The following CACNG1 variants were observed in gnomAD, a reference collection of about 807,000 sequenced individuals.
CACNG1 encodes the protein calcium voltage-gated channel auxiliary subunit gamma 1.
Under a neutral mutation model 22.0 loss-of-function variants are expected in CACNG1, and 21 were observed. The ratio of observed to expected loss-of-function variants is 0.95; its 90% CI spans 0.68 to 1.37. The LOEUF is 1.37. CACNG1 is among the 40% of genes most tolerant of loss of function. The pLI, the probability that CACNG1 is intolerant of heterozygous loss-of-function variation, is 0.00. For missense variants in CACNG1, 291 were observed against 308.6 expected (o/e 0.94, Z 0.43); for synonymous variants, 127 against 129.2 (o/e 0.98, Z 0.12).
chr17:67,046,744 C>G (rs2035699762), intron 1 of CACNG1, among the ~76,000 whole-genome samples: 1 of 152,164 alleles, frequency 6.6e-6, no homozygotes, highest in Non-Finnish European at 1.5e-5. Context: ...GTTCACCCGT[C>G]CTTGGAACCA....
chr17:67,045,803 G>A (rs1387461648), intron 1 of CACNG1, among the ~76,000 whole-genome samples: 4 of 152,082 alleles, frequency 2.6e-5, no homozygotes, highest in Admixed American at 2.0e-4. Context: ...GATTACAGAC[G>A]TGAGCCACCA....
At chr17:67,049,266 T>C (rs553461021) in intron 1 of CACNG1, among the ~76,000 whole-genome samples, 1 of 152,290 alleles carries the variant, frequency 6.6e-6, no homozygotes, top group African/African-American at 2.4e-5. Flanking sequence ...ATGACATACA[T>C]ATATTAGCTC....
In CACNG1 at chr17:67,054,890, GAC is replaced by G. The variant is rs1412056811; in HGVS notation, c.305-207_305-206del. 6.1e-5 allele frequency among the ~76,000 whole-genome samples: 9 copies of G among 147,058 alleles called. No individual in the cohort carries two copies. Among genetic ancestry groups the G allele is most frequent in the South Asian group, 4.3e-4 (2 of 4,702 alleles). ...GAGACACACACTGACACATATGCAT[GAC>G]ACACAATGACACACACAGACACTGA... On this transcript the variant is annotated intron_variant, in intron 2 of 3. Transcript: ENST00000226021. The surrounding 1 kb of genome is among the most constrained non-coding windows in gnomAD (Gnocchi z 4.6).
At chr17:67,049,170 A>T (rs545126812) in intron 1 of CACNG1, among the ~76,000 whole-genome samples, 38 of 152,368 alleles carry the variant, frequency 2.5e-4, no homozygotes, top group African/African-American at 8.7e-4. Flanking sequence ...AAAAACGGAA[A>T]GAAACAACTC....
chr17:67,055,195 A>G lies in CACNG1; in HGVS notation c.397A>G (p.Arg133Gly). The G allele has an allele frequency of 6.2e-7, 1 of 1,614,164 alleles. No individual in the cohort carries two copies. Among genetic ancestry groups the G allele is most frequent in the South Asian group, 1.1e-5 (1 of 91,072 alleles). The change falls in exon 3 of 4, where the codon AGG becomes GGG. Residue 133 changes from arginine (R) to glycine (G), a missense_variant. Transcript: ENST00000226021. The surrounding 1 kb of genome is among the most constrained non-coding windows in gnomAD (Gnocchi z 4.5). ...LCVLLSLGKKRDYLLRPASMF... is the reference protein window; with the variant it reads ...LCVLLSLGKKGDYLLRPASMF... ...TGTCCTCCTGTCCCTCGGGAAGAAG[A>G]GGGACTATCTGCTGCGACCCGCGTC...
chr17:67,048,833 T>C (rs916638640), intron 1 of CACNG1, among the ~76,000 whole-genome samples: 1 of 152,064 alleles, frequency 6.6e-6, no homozygotes, highest in African/African-American at 2.4e-5. Context: ...GGCAAAAGAA[T>C]CAGTGACCTT....
At chr17:67,052,116 A>T (rs560219128) in intron 1 of CACNG1, among the ~76,000 whole-genome samples, 1 of 152,388 alleles carries the variant, frequency 6.6e-6, no homozygotes, top group South Asian at 2.1e-4. Context: ...ATCTACAGCC[A>T]ATAATCTAAC....
rs953886705 is a variant in CACNG1 at position 67,044,955 on chromosome 17, T to C, written c.229+66T>C. ...CTTCCCCGTCATCCCCCTGGCAAAG[T>C]TGCCCTTGCGAAGGAAGGCAGGTTT... On this transcript the variant is annotated intron_variant, in intron 1 of 3. Coordinates refer to ENST00000226021, the MANE Select transcript of CACNG1 (RefSeq NM_000727.4). The surrounding 1 kb of genome is among the most constrained non-coding windows in gnomAD (Gnocchi z 6.9). 1.4e-6 allele frequency: 2 copies of C among 1,387,946 alleles called. No homozygotes were observed. The highest frequency in any genetic ancestry group is 2.0e-6 in the Non-Finnish European group (2 of 1,004,482). The allele number at this position is 1,387,946 out of a possible 1,614,324, so 86.0% of individuals were successfully genotyped here.
chr17:67,055,144 G>A lies in CACNG1; in HGVS notation c.346G>A (p.Gly116Ser), dbSNP rs887724099. 1 of 1,614,208 alleles carries A rather than the reference G, an allele frequency of 6.2e-7. No homozygotes were observed. Among genetic ancestry groups the A allele is most frequent in the Non-Finnish European group, 8.5e-7 (1 of 1,180,036 alleles). ...SAAAIAIFSL[G>S]FIILGSLCVL... ...AGCCGCCATCGCCATCTTCAGCCTT[G>A]GCTTCATCATCCTGGGCAGCCTCTG... Residue 116 changes from glycine to serine, a missense_variant, in exon 3 of 4, where the codon GGC (glycine) becomes AGC (serine). Transcript: ENST00000226021. The surrounding 1 kb of genome is among the most constrained non-coding windows in gnomAD (Gnocchi z 4.5).
rs1316162979 is a variant in CACNG1, at chr17:67,054,295, C to T, written c.304+225C>T. On this transcript the variant is annotated intron_variant, in intron 2 of 3. Coordinates refer to ENST00000226021, the MANE Select transcript of CACNG1 (RefSeq NM_000727.4). The surrounding 1 kb of genome is among the most constrained non-coding windows in gnomAD (Gnocchi z 4.6). ...GCTTCCACACCTCGGGGCCAGGGAG[C>T]GTTTGCAGAAGCAGCACCTCCTGGT... Among the ~76,000 whole-genome samples, 1 of 152,204 alleles carries T rather than the reference C, an allele frequency of 6.6e-6. No individual in the cohort carries two copies. Among genetic ancestry groups the T allele is most frequent in the Admixed American group, 6.5e-5 (1 of 15,290 alleles).
rs752571949 is a variant in CACNG1 at position 67,056,032 on chromosome 17, G to C, written c.443-13G>C. 1 of 1,605,628 alleles carries C rather than the reference G, an allele frequency of 6.2e-7. No homozygotes were observed. Among genetic ancestry groups the C allele is most frequent in the Non-Finnish European group, 8.5e-7 (1 of 1,177,658 alleles). On this transcript the variant is annotated splice_polypyrimidine_tract_variant and intron_variant, in intron 3 of 3. Coordinates refer to ENST00000226021, the MANE Select transcript of CACNG1 (RefSeq NM_000727.4). This position sits in a 1 kb window ranked among gnomAD's most constrained non-coding sequence, Gnocchi z 4.3. ...GCCCCTCGGTCCCTGAGCATGCCTGGCTCTGCCCCCAGGTCTCTGCATCCT... is the reference window on the plus strand; with the variant it reads ...GCCCCTCGGTCCCTGAGCATGCCTGCCTCTGCCCCCAGGTCTCTGCATCCT...
chr17:67,050,908 G>A (rs897184291), intron 1 of CACNG1, among the ~76,000 whole-genome samples: 1 of 152,188 alleles, frequency 6.6e-6, no homozygotes, highest in Non-Finnish European at 1.5e-5. Flanking sequence ...ATCAGCATAA[G>A]CCATCTGCAG....
Position 67,054,977 on chromosome 17 carries a change from T to A in CACNG1, c.305-126T>A. 1.1e-6 allele frequency: 1 copy of A among 925,460 alleles called. No homozygotes were observed. The highest frequency in any genetic ancestry group is 1.6e-6 in the Non-Finnish European group (1 of 630,722). The allele number at this position is 925,460 out of a possible 1,614,324, so 57.3% of individuals were successfully genotyped here. On this transcript the variant is annotated intron_variant, in intron 2 of 3. Transcript: ENST00000226021. The surrounding 1 kb of genome is among the most constrained non-coding windows in gnomAD (Gnocchi z 4.6). ...CAAGACAGACACAGAGACACACACTTGACACACACACAATGACACACACAG... is the reference window on the plus strand; with the variant it reads ...CAAGACAGACACAGAGACACACACTAGACACACACACAATGACACACACAG...
rs202044777 is a variant in CACNG1, at chr17:67,056,316, C to T, written c.*45C>T. 675 of 1,576,438 alleles carry T rather than the reference C, an allele frequency of 4.3e-4. 5 individuals are homozygous for T. In the African/African-American group the frequency reaches 7.7e-3, roughly 18 times the overall value. On this transcript the variant is annotated 3_prime_UTR_variant, in exon 4 of 4. Transcript: ENST00000226021. The surrounding 1 kb of genome is among the most constrained non-coding windows in gnomAD (Gnocchi z 4.3). ...ACCCTCAGGCTTCTTCCCCAGGAAG[C>T]GGGGTCTTGGCCTGGAACCTTCCAG...
intron 1 of CACNG1, among the ~76,000 whole-genome samples, chr17:67,053,577 CCAT>C (rs1395521080): frequency 6.6e-6 from 1 of 152,236 alleles, no homozygotes; most frequent in Non-Finnish European, 1.5e-5. Flanking sequence ...CTCACCACCA[CCAT>C]AACCCCAGGC....
Position 67,055,194 on chromosome 17 carries a change from G to A in CACNG1, c.396G>A (p.Lys132=). Residue 132 remains lysine (K), a synonymous_variant, in exon 3 of 4, where the codon AAG becomes AAA. Coordinates refer to ENST00000226021, the MANE Select transcript of CACNG1 (RefSeq NM_000727.4). The surrounding 1 kb of genome is among the most constrained non-coding windows in gnomAD (Gnocchi z 4.5). ...GTGTCCTCCTGTCCCTCGGGAAGAA[G>A]AGGGACTATCTGCTGCGACCCGCGT... ...SLCVLLSLGK[K]RDYLLRPASM... 6.2e-7 allele frequency: 1 copy of A among 1,614,238 alleles called. No individual in the cohort carries two copies. The highest frequency in any genetic ancestry group is 8.5e-7 in the Non-Finnish European group (1 of 1,180,016).
rs9912133 is a variant in CACNG1, at chr17:67,056,280, C to T, written c.*9C>T. 5.0e-5 allele frequency: 81 copies of T among 1,610,778 alleles called. No homozygotes were observed. In the East Asian group the frequency reaches 5.1e-4, roughly 10 times the overall value. ...CTGAGCCCGAGCACTAACCCTCCTG[C>T]GGCCCTAGCGACCCTCAGGCTTCTT... On this transcript the variant is annotated 3_prime_UTR_variant, in exon 4 of 4. Transcript: ENST00000226021. This position sits in a 1 kb window ranked among gnomAD's most constrained non-coding sequence, Gnocchi z 4.3.
chr17:67,055,012 C>A lies in CACNG1; in HGVS notation c.305-91C>A. ...ACAATGACACACACAGACACTGACA[C>A]ACACACTGTGGTGCATGGTGTGGTC... is the stretch of plus-strand genomic sequence containing the variant. On this transcript the variant is annotated intron_variant, in intron 2 of 3. Coordinates refer to ENST00000226021, the MANE Select transcript of CACNG1 (RefSeq NM_000727.4). The surrounding 1 kb of genome is among the most constrained non-coding windows in gnomAD (Gnocchi z 4.5). 1 of 1,344,444 alleles carries A rather than the reference C, an allele frequency of 7.4e-7. No homozygotes were observed. Among genetic ancestry groups the A allele is most frequent in the Non-Finnish European group, 1.0e-6 (1 of 970,642 alleles). 83.3% of individuals were successfully genotyped at this position (1,344,444 alleles called of 1,614,324 possible). A position where few individuals can be genotyped will look rare whatever the true frequency, so the allele number is the denominator to read the frequency against.
chr17:67,055,196 G>A lies in CACNG1; in HGVS notation c.398G>A (p.Arg133Lys), dbSNP rs775606926. 3 of 1,614,204 alleles carry A rather than the reference G, an allele frequency of 1.9e-6. No homozygotes were observed. The highest frequency in any genetic ancestry group is 2.5e-6 in the Non-Finnish European group (3 of 1,180,010). ...GTCCTCCTGTCCCTCGGGAAGAAGA[G>A]GGACTATCTGCTGCGACCCGCGTCC... is the stretch of plus-strand genomic sequence containing the variant. Reference protein sequence around the residue: ...LCVLLSLGKKRDYLLRPASMF... With the variant: ...LCVLLSLGKKKDYLLRPASMF... The change falls in exon 3 of 4, where the codon AGG becomes AAG. Residue 133 changes from arginine to lysine, a missense_variant. Physicochemically the swap from Arg to Lys is conservative, Grantham distance 26 (BLOSUM62 2). Coordinates refer to ENST00000226021, the MANE Select transcript of CACNG1 (RefSeq NM_000727.4). This position sits in a 1 kb window ranked among gnomAD's most constrained non-coding sequence, Gnocchi z 4.5.
Sources: allele counts gnomAD v4.1 joint callset (sites outside exome capture counted in the v4.1 genomes callset), GRCh38; gene constraint gnomAD v4.1.1; non-coding constraint Gnocchi (gnomAD v3.1); transcripts MANE v1.5; gene names NCBI Gene and HGNC (gene_info 2026-07-23, HGNC 2026-07-21).